Variants in ATP8A2 observed in about 807,000 individuals in gnomAD.
ATP8A2 encodes ATPase phospholipid transporting 8A2, also known as phospholipid-transporting ATPase IB.
A neutral mutation model predicts 165.6 loss-of-function variants in ATP8A2; 100 were observed. That is an observed-to-expected ratio of 0.60 (90% CI 0.51 to 0.71). The LOEUF (loss-of-function observed/expected upper bound fraction) is 0.71, where lower values mean the gene tolerates loss of function less well. Ranked by LOEUF, ATP8A2 falls within the 30% of genes least tolerant of loss-of-function variation. The pLI is 0.00. For synonymous variants in ATP8A2, 543 were observed against 548.8 expected (o/e 0.99, Z 0.15); for missense variants, 1,227 against 1,479.5 (o/e 0.83, Z 2.80).
intron 33 of ATP8A2, among the ~76,000 whole-genome samples, chr13:25,961,369 GA>G (rs1397545734): frequency 1.3e-5 from 2 of 152,210 alleles, no homozygotes; most frequent in African/African-American, 4.8e-5. Flanking sequence ...CAAACTAGAA[GA>G]ATGAAAGTAA....
chr13:25,901,032 C>A (rs978196386), intron 33 of ATP8A2, among the ~76,000 whole-genome samples: 1 of 152,168 alleles, frequency 6.6e-6, no homozygotes, highest in African/African-American at 2.4e-5. Context: ...GTAATTAGTG[C>A]TGAAAGGTGG....
intron 35 of ATP8A2, among the ~76,000 whole-genome samples, chr13:25,991,609 G>GT (rs1566333202): frequency 6.6e-6 from 1 of 152,146 alleles, no homozygotes; most frequent in Non-Finnish European, 1.5e-5. Context: ...GTAACCTTTT[G>GT]TTAGTGACAT....
intron 24 of ATP8A2, among the ~76,000 whole-genome samples, chr13:25,687,197 G>T (rs1239382069): frequency 1.3e-5 from 2 of 152,180 alleles, no homozygotes; most frequent in South Asian, 2.1e-4. Flanking sequence ...ACAAGGGGTG[G>T]CAAGCATTTC....
At chr13:25,542,757 A>G (rs1272618854) in intron 9 of ATP8A2, among the ~76,000 whole-genome samples, 1 of 152,146 alleles carries the variant, frequency 6.6e-6, no homozygotes, top group Non-Finnish European at 1.5e-5. Context: ...GGTTTCATTT[A>G]GCATACATAG....
intron 25 of ATP8A2, among the ~76,000 whole-genome samples, chr13:25,747,537 G>A (rs900574443): frequency 1.3e-5 from 2 of 152,186 alleles, no homozygotes; most frequent in Non-Finnish European, 2.9e-5. Context: ...ACGTGCTGGA[G>A]TGGAGGAGGT....
chr13:25,965,605 A>G (rs1955759128), intron 34 of ATP8A2, among the ~76,000 whole-genome samples: 1 of 152,224 alleles, frequency 6.6e-6, no homozygotes, highest in Admixed American at 6.5e-5. Context: ...GCTTATATTC[A>G]TCCAAAATGT....
intron 33 of ATP8A2, among the ~76,000 whole-genome samples, chr13:25,906,115 A>G (rs943440232): frequency 6.6e-6 from 1 of 152,072 alleles, no homozygotes. Context: ...CCTTTTTAAA[A>G]TAAGTCCTTC....
intron 1 of ATP8A2, among the ~76,000 whole-genome samples, chr13:25,378,854 C>CCTTTATTACTAATATGT (rs1237332191): frequency 6.6e-6 from 1 of 152,212 alleles, no homozygotes; most frequent in Admixed American, 6.5e-5. Flanking sequence ...GAGTCTGGTG[C>CCTTTATTACTAATATGT]TGTGAGAACA....
intron 1 of ATP8A2, among the ~76,000 whole-genome samples, chr13:25,416,796 C>T (rs1319801709): frequency 1.3e-5 from 2 of 152,152 alleles, no homozygotes; most frequent in African/African-American, 4.8e-5. Context: ...TATGATTAGC[C>T]TCTGAATGGT....
At chr13:25,562,265 A>G (rs1405924650) in intron 15 of ATP8A2, among the ~76,000 whole-genome samples, 1 of 152,064 alleles carries the variant, frequency 6.6e-6, no homozygotes, top group South Asian at 2.1e-4. Context: ...CACTTTCTCC[A>G]CGTCCTTGCC....
At chr13:25,704,579 T>C (rs1419180174) in intron 25 of ATP8A2, among the ~76,000 whole-genome samples, 1 of 152,026 alleles carries the variant, frequency 6.6e-6, no homozygotes, top group Admixed American at 6.6e-5. Flanking sequence ...CAAGTTATCC[T>C]CCTGCTTCCT....
chr13:25,916,720 T>C (rs1042113404), intron 33 of ATP8A2, among the ~76,000 whole-genome samples: 9 of 152,220 alleles, frequency 5.9e-5, no homozygotes, highest in Non-Finnish European at 1.2e-4. Context: ...CTGTAACTCA[T>C]GTCACTCCTA....
rs749100199 is a variant in ATP8A2, at chr13:25,868,096, C to T, written c.3183+5688C>T. 1.4e-4 allele frequency: 64 copies of T among 456,406 alleles called. 1 individual carries two copies. Among genetic ancestry groups the T allele is most frequent in the South Asian group, 9.6e-4 (62 of 64,490 alleles). 28.3% of individuals were successfully genotyped at this position (456,406 alleles called of 1,614,324 possible). On this transcript the variant is annotated intron_variant, in intron 33 of 36. Transcript: ENST00000381655. ...CCCCGGCCAAGGAATCCTCTCTTCA[C>T]CCAAGTGCGGGTGTTGGGATGTTCC... is the stretch of plus-strand genomic sequence containing the variant.
In ATP8A2 at chr13:25,968,606, G is replaced by T. The variant is rs1280745047; in HGVS notation, c.3304G>T (p.Glu1102Ter). Residue 1102 changes from glutamate (E) to a stop codon, truncating the protein, a stop_gained, in exon 35 of 37, where the codon GAG becomes TAG. Coordinates refer to ENST00000381655, the MANE Select transcript of ATP8A2 (RefSeq NM_016529.6). LOFTEE classifies it high-confidence loss of function. ...GCACACCTGCAAAAAGACATTGCTG[G>T]AGGAGGTGCAGGAGCTGGAAACCAA... ...AKHTCKKTLLEEVQELETKSR... is the reference protein window; with the variant it reads ...AKHTCKKTLL 3 of 1,613,922 alleles carry T rather than the reference G, an allele frequency of 1.9e-6. No individual in the cohort carries two copies. Among genetic ancestry groups the T allele is most frequent in the Non-Finnish European group, 2.5e-6 (3 of 1,180,008 alleles).
intron 1 of ATP8A2, among the ~76,000 whole-genome samples, chr13:25,397,877 A>G (rs2033483194): frequency 6.6e-6 from 1 of 152,216 alleles, no homozygotes; most frequent in Non-Finnish European, 1.5e-5. Flanking sequence ...GTGGATTCAA[A>G]GATTTCCTGA....
At chr13:25,908,602 G>T (rs1479025840) in intron 33 of ATP8A2, among the ~76,000 whole-genome samples, 1 of 152,250 alleles carries the variant, frequency 6.6e-6, no homozygotes, top group African/African-American at 2.4e-5. Context: ...CCCCATGGCT[G>T]CTACAGTTGC....
At chr13:25,443,550 T>A (rs1187470905) in intron 1 of ATP8A2, among the ~76,000 whole-genome samples, 1 of 152,236 alleles carries the variant, frequency 6.6e-6, no homozygotes, top group Non-Finnish European at 1.5e-5. Context: ...AATGCAATTT[T>A]AAAAAACAAA....
In ATP8A2 at chr13:25,849,349, T is replaced by G. The variant is rs114951025; in HGVS notation, c.2956+9725T>G. 3.2e-3 allele frequency among the ~76,000 whole-genome samples: 490 copies of G among 152,358 alleles called. 2 individuals carry two copies. Among genetic ancestry groups the G allele is most frequent in the African/African-American group, 0.011 (474 of 41,588 alleles). ...CTCTTCTGACCACTATGTTATAACA[T>G]TGTCTTGAAATTTTGCCTTTGTCAG... is the stretch of plus-strand genomic sequence containing the variant. On this transcript the variant is annotated intron_variant, in intron 30 of 36. Transcript: ENST00000381655.
At chr13:25,940,196 C>T (rs761043452) in intron 33 of ATP8A2, among the ~76,000 whole-genome samples, 13 of 152,084 alleles carry the variant, frequency 8.5e-5, no homozygotes, top group Admixed American at 1.3e-4. Context: ...AACTTGACTC[C>T]GCCTTCTGCT....
Sources: gnomAD v4.1 joint callset for allele counts (sites outside exome capture counted in the v4.1 genomes callset) on GRCh38, gnomAD v4.1.1 for gene constraint, MANE v1.5 for transcripts, NCBI Gene and HGNC (gene_info 2026-07-23, HGNC 2026-07-21) for gene names.